ZNG1A: variants seen among roughly 807,000 people sequenced by gnomAD.
ZNG1A encodes Zn regulated GTPase metalloprotein activator 1A.
the ZNG1A span, among the ~76,000 whole-genome samples, chr9:177,071 G>A: frequency 6.6e-6 from 1 of 152,170 alleles, no homozygotes; most frequent in African/African-American, 2.4e-5. Flanking sequence ...GAGAACCTAA[G>A]AGGGACATCT....
the ZNG1A span, chr9:159,973 C>T: frequency 1.4e-4 from 55 of 394,846 alleles, 2 homozygotes; most frequent in Non-Finnish European, 2.4e-4. Context: ...ATATAACAGA[C>T]GAACCAAGAA....
At chr9:131,179 C>CTT in the ZNG1A span, among the ~76,000 whole-genome samples, 1 of 131,650 alleles carries the variant, frequency 7.6e-6, no homozygotes, top group Non-Finnish European at 1.6e-5. Flanking sequence ...CCATTTCAGA[C>CTT]TTTTTTTTTC....
chr9:171,075 G>C, the ZNG1A span, among the ~76,000 whole-genome samples: 2 of 151,228 alleles, frequency 1.3e-5, no homozygotes, highest in African/African-American at 4.9e-5. Context: ...ATTAGTCCAA[G>C]TCCTATCATC....
the ZNG1A span, chr9:161,639 T>A: frequency 4.7e-6 from 6 of 1,284,156 alleles, no homozygotes; most frequent in East Asian, 3.3e-4. Flanking sequence ...CTTTTCTGCC[T>A]TTAGTGGTAT....
At chr9:156,635 C>A in the ZNG1A span, 10 of 1,250,048 alleles carry the variant, frequency 8.0e-6, no homozygotes, top group Middle Eastern at 2.7e-4. Flanking sequence ...ATAAAAACTT[C>A]AACATGTTCT....
chr9:170,286 T>G, the ZNG1A span, among the ~76,000 whole-genome samples: 2 of 151,460 alleles, frequency 1.3e-5, no homozygotes, highest in East Asian at 1.9e-4. Context: ...TTCAACATAC[T>G]ACCAAGTAGC....
the ZNG1A span, among the ~76,000 whole-genome samples, chr9:162,965 C>T: frequency 1.3e-5 from 2 of 151,892 alleles, no homozygotes; most frequent in Non-Finnish European, 2.9e-5. Flanking sequence ...CATAAATGTT[C>T]TACATAACAT....
the ZNG1A span, among the ~76,000 whole-genome samples, chr9:139,731 T>C: frequency 1.3e-5 from 2 of 151,462 alleles, no homozygotes; most frequent in African/African-American, 4.9e-5. Context: ...AGGCGATTTC[T>C]CCATTTCCAT....
chr9:139,590 C>G, the ZNG1A span, among the ~76,000 whole-genome samples: 2 of 152,020 alleles, frequency 1.3e-5, no homozygotes, highest in Admixed American at 6.5e-5. Flanking sequence ...CCCTCCCTTA[C>G]CAAAAAGATT....
At chr9:129,823 TTTACCACA>T in the ZNG1A span, among the ~76,000 whole-genome samples, 1 of 118,474 alleles carries the variant, frequency 8.4e-6, no homozygotes. Flanking sequence ...TTAAGTGTTT[TTTACCACA>T]ATAAAAAATA....
At chr9:141,428 A>G in the ZNG1A span, among the ~76,000 whole-genome samples, 83 of 150,244 alleles carry the variant, frequency 5.5e-4, no homozygotes, top group East Asian at 0.015. Flanking sequence ...AGAATTTCAT[A>G]TCCAGCCAAA....
the ZNG1A span, among the ~76,000 whole-genome samples, chr9:127,271 G>A: frequency 1.6e-4 from 25 of 152,190 alleles, no homozygotes; most frequent in Admixed American, 7.2e-4. Flanking sequence ...AGTGCTGTCC[G>A]TGGAGTATTA....
the ZNG1A span, chr9:162,541 A>G: frequency 0.019 from 27,598 of 1,484,776 alleles, 920 homozygotes; most frequent in African/African-American, 0.11. Flanking sequence ...CCATACTTCA[A>G]AATGAAAATT....
chr9:145,023 C>T, the ZNG1A span, among the ~76,000 whole-genome samples: 1,153 of 149,188 alleles, frequency 7.7e-3, 9 homozygotes, highest in African/African-American at 0.027. Context: ...GTTAGAATGG[C>T]AATCATTAAA....
the ZNG1A span, chr9:154,658 T>C: frequency 2.3e-6 from 3 of 1,316,840 alleles, no homozygotes; most frequent in Non-Finnish European, 3.2e-6. Flanking sequence ...AAAAATATTC[T>C]GTGTATACAA....
the ZNG1A span, among the ~76,000 whole-genome samples, chr9:152,655 C>T: frequency 1.3e-5 from 2 of 152,002 alleles, no homozygotes; most frequent in African/African-American, 4.8e-5. Flanking sequence ...TCTTTTGATA[C>T]TATAGAATAT....
At chr9:163,668 G>A in the ZNG1A span, among the ~76,000 whole-genome samples, 6 of 151,896 alleles carry the variant, frequency 4.0e-5, no homozygotes, top group African/African-American at 1.5e-4. Flanking sequence ...TGTAATCCCA[G>A]CACTTTGGGA....
the ZNG1A span, among the ~76,000 whole-genome samples, chr9:176,741 A>C: frequency 6.6e-6 from 1 of 152,008 alleles, no homozygotes. Flanking sequence ...GGCCCTGAAC[A>C]TGAGTGTTTC....
the ZNG1A span, among the ~76,000 whole-genome samples, chr9:177,303 G>C: frequency 3.3e-5 from 5 of 152,152 alleles, no homozygotes; most frequent in South Asian, 1.0e-3. Flanking sequence ...CATTTATAAA[G>C]ATCATTAAGG....
Sources: gnomAD v4.1 joint callset for allele counts (sites outside exome capture counted in the v4.1 genomes callset) on GRCh38, gnomAD v4.1.1 for gene constraint, MANE v1.5 for transcripts, NCBI Gene and HGNC (gene_info 2026-07-23, HGNC 2026-07-21) for gene names.